ARHGAP17: variants seen among roughly 807,000 people sequenced by gnomAD.
ARHGAP17 encodes rho GTPase-activating protein 17.
In ARHGAP17, 57 loss-of-function variants were observed where a neutral mutation model predicts 99.5. The ratio of observed to expected loss-of-function variants is 0.57; its 90% CI spans 0.46 to 0.71. ARHGAP17 has a LOEUF of 0.71. ARHGAP17 is among the 30% of genes least tolerant of loss of function. ARHGAP17 has a pLI of 0.00. For synonymous variants in ARHGAP17, 417 were observed against 429.6 expected (o/e 0.97, Z 0.36); for missense variants, 1,000 against 1,122.4 (o/e 0.89, Z 1.56).
intron 1 of ARHGAP17, among the ~76,000 whole-genome samples, chr16:24,994,225 A>C (rs1208771177): frequency 2.0e-5 from 3 of 152,320 alleles, no homozygotes; most frequent in Admixed American, 2.0e-4. Flanking sequence ...CTAAGGTCAA[A>C]GAAAGGAGTG....
intron 17 of ARHGAP17, among the ~76,000 whole-genome samples, chr16:24,937,542 C>T (rs1352378321): frequency 6.6e-6 from 1 of 152,166 alleles, no homozygotes; most frequent in Non-Finnish European, 1.5e-5. Flanking sequence ...AAAACAAGTA[C>T]ATGCATAGGG....
At chr16:24,951,776 A>C (rs1008316562) in intron 12 of ARHGAP17, among the ~76,000 whole-genome samples, 1 of 152,230 alleles carries the variant, frequency 6.6e-6, no homozygotes, top group Non-Finnish European at 1.5e-5. Flanking sequence ...GTGTTAATTG[A>C]CTAGGTTATC....
intron 19 of ARHGAP17, among the ~76,000 whole-genome samples, chr16:24,925,858 C>G (rs1180190119): frequency 2.6e-5 from 4 of 152,082 alleles, no homozygotes; most frequent in Non-Finnish European, 5.9e-5. Context: ...CGCCTGTAAT[C>G]CCAGCACTTT....
chr16:24,980,527 A>C (rs567260506), intron 1 of ARHGAP17, among the ~76,000 whole-genome samples: 193 of 152,276 alleles, frequency 1.3e-3, no homozygotes, highest in Non-Finnish European at 1.6e-3. Context: ...GCAACAGGCC[A>C]ACATATGCTA....
chr16:24,971,836 A>T (rs1179677697), intron 3 of ARHGAP17, among the ~76,000 whole-genome samples: 1 of 152,206 alleles, frequency 6.6e-6, no homozygotes, highest in African/African-American at 2.4e-5. Context: ...AAGCCGAAGG[A>T]GGTCAAGTGG....
chr16:24,942,576 G>A (rs973523483), intron 15 of ARHGAP17, among the ~76,000 whole-genome samples: 1 of 152,004 alleles, frequency 6.6e-6, no homozygotes, highest in African/African-American at 2.4e-5. Context: ...AGACCAGCCT[G>A]GCCAAGAACG....
In ARHGAP17 at chr16:24,942,096, T is replaced by G. The variant is rs1304022711; in HGVS notation, c.1381A>C (p.Ser461Arg). ...SEAFVPLTTP[S>R]SNHSFHTGND... ...CCAGTGTGGAATGAGTGATTAGAAC[T>G]CGGGGTGGTGAGAGGTACAAATGCT... Residue 461 changes from serine (S) to arginine (R), a missense_variant, in exon 16 of 20, where the codon AGT becomes CGT. By Grantham distance (110) the Ser-to-Arg change is moderately radical. Coordinates refer to ENST00000289968, the MANE Select transcript of ARHGAP17 (RefSeq NM_001006634.3). The G allele has an allele frequency of 3.5e-6, 5 of 1,423,816 alleles. No homozygotes were observed. The highest frequency in any genetic ancestry group is 4.8e-6 in the Non-Finnish European group (5 of 1,049,450). 88.2% of individuals were successfully genotyped at this position (1,423,816 alleles called of 1,614,324 possible). A position where few individuals can be genotyped will look rare whatever the true frequency, so the allele number is the denominator to read the frequency against.
intron 1 of ARHGAP17, among the ~76,000 whole-genome samples, chr16:24,998,007 A>AC: frequency 6.6e-6 from 1 of 152,128 alleles, no homozygotes; most frequent in Middle Eastern, 3.4e-3. Flanking sequence ...TGCAGAGAAG[A>AC]CGGAGGCTGA....
intron 1 of ARHGAP17, among the ~76,000 whole-genome samples, chr16:24,979,554 A>G (rs1008189635): frequency 6.6e-6 from 1 of 151,200 alleles, no homozygotes; most frequent in Non-Finnish European, 1.5e-5. Context: ...CTTTGAAAAG[A>G]AACTAAGTGT....
At chr16:24,967,011 C>T (rs2052208689) in intron 6 of ARHGAP17, among the ~76,000 whole-genome samples, 1 of 152,196 alleles carries the variant, frequency 6.6e-6, no homozygotes, top group Non-Finnish European at 1.5e-5. Flanking sequence ...CTGGTGCACA[C>T]TGAGCACCTA....
chr16:24,974,129 TAC>T (rs2052447825), intron 3 of ARHGAP17, among the ~76,000 whole-genome samples: 1 of 152,220 alleles, frequency 6.6e-6, no homozygotes. Context: ...CACCAGGCAC[TAC>T]AAAACATTTA....
intron 9 of ARHGAP17, chr16:24,957,183 C>T (rs1448775495): frequency 6.6e-6 from 1 of 152,258 alleles, no homozygotes; most frequent in Non-Finnish European, 1.5e-5. Context: ...AAGGTTAAGA[C>T]CTGAATCACT....
At chr16:24,954,795 C>A in intron 9 of ARHGAP17, 65 bp from the exon 10 acceptor site, 1 of 1,590,180 alleles carries the variant, frequency 6.3e-7, no homozygotes, top group Non-Finnish European at 8.6e-7. Context: ...CTATTTTCTC[C>A]CCAACTACCC....
intron 1 of ARHGAP17, among the ~76,000 whole-genome samples, chr16:24,997,016 T>C (rs1299512226): frequency 6.6e-6 from 1 of 152,186 alleles, no homozygotes; most frequent in African/African-American, 2.4e-5. Flanking sequence ...ATAAAAGGGA[T>C]AACACTATAC....
At chr16:24,934,165 T>TG (rs1432884671) in intron 18 of ARHGAP17, among the ~76,000 whole-genome samples, 1 of 152,218 alleles carries the variant, frequency 6.6e-6, no homozygotes, top group Non-Finnish European at 1.5e-5. Flanking sequence ...TAATCCATTT[T>TG]TTTTTCTTTT....
Position 24,963,018 on chromosome 16 carries a change from G to A in ARHGAP17, c.573+1179C>T, listed in dbSNP as rs143733139. On this transcript the variant is annotated intron_variant, in intron 7 of 19. Transcript: ENST00000289968. Reference sequence around the variant, plus strand: ...TTTTTACCACTTGAAATACTGACAAGTGTGGAAGTTGAGAGAACAGACATC... The same window carrying A: ...TTTTTACCACTTGAAATACTGACAAATGTGGAAGTTGAGAGAACAGACATC... Among the ~76,000 whole-genome samples the A allele has an allele frequency of 7.8e-3, 1,192 of 152,306 alleles. 18 individuals are homozygous for A. Among genetic ancestry groups the A allele is most frequent in the African/African-American group, 0.028 (1,143 of 41,556 alleles).
Position 24,919,796 on chromosome 16 carries a change from G to T in ARHGAP17, c.*334C>A. ...TTACTCATTCCAAGTTGCTGTAGGT[G>T]CTGCCCGCATTAACAGCAGGGACAA... is the stretch of plus-strand genomic sequence containing the variant. On this transcript the variant is annotated 3_prime_UTR_variant, in exon 20 of 20. Coordinates refer to ENST00000289968, the MANE Select transcript of ARHGAP17 (RefSeq NM_001006634.3). 5.1e-6 allele frequency: 1 copy of T among 195,498 alleles called. No homozygotes were observed. Among genetic ancestry groups the T allele is most frequent in the South Asian group, 1.4e-4 (1 of 7,374 alleles). 12.1% of individuals were successfully genotyped at this position (195,498 alleles called of 1,614,324 possible).
rs1401229984 is a variant in ARHGAP17 at position 24,935,728 on chromosome 16, G to C, written c.1725-89C>G. 2.9e-6 allele frequency: 4 copies of C among 1,390,888 alleles called. No individual in the cohort carries two copies. The Admixed American group carries it at 5.4e-5, about 19-fold the overall frequency. The allele number at this position is 1,390,888 out of a possible 1,614,324, so 86.2% of individuals were successfully genotyped here. On this transcript the variant is annotated intron_variant, in intron 17 of 19. Transcript: ENST00000289968. ...CACATAAAACATAAGATTCCAAGCA[G>C]AGTTTTCACTTCGGCAGGCAGGAAA...
intron 3 of ARHGAP17, among the ~76,000 whole-genome samples, chr16:24,976,132 C>CA (rs1243748784): frequency 6.6e-6 from 1 of 152,198 alleles, no homozygotes; most frequent in African/African-American, 2.4e-5. Context: ...GGAACAGAAA[C>CA]AGTCAAAAAC....
Sources: gnomAD v4.1 joint callset for allele counts (sites outside exome capture counted in the v4.1 genomes callset) on GRCh38, gnomAD v4.1.1 for gene constraint, MANE v1.5 for transcripts, NCBI Gene and HGNC (gene_info 2026-07-23, HGNC 2026-07-21) for gene names.